The following RANBP2 variants were observed in gnomAD, a reference collection of about 807,000 sequenced individuals.
RANBP2 encodes RAN binding protein 2.
Under a neutral mutation model 303.6 loss-of-function variants are expected in RANBP2, and 57 were observed. The observed-to-expected ratio is 0.19, with a 90% CI of 0.15 to 0.23. RANBP2 has a LOEUF of 0.23. RANBP2 is among the 10% of genes least tolerant of loss of function. The pLI is 1.00. For missense variants in RANBP2, 3,138 were observed against 3,780.8 expected (o/e 0.83, Z 4.46); for synonymous variants, 1,167 against 1,301.5 (o/e 0.90, Z 2.23).
chr2:109,719,908 GA>G, the RANBP2 span, among the ~76,000 whole-genome samples: 20 of 152,048 alleles, frequency 1.3e-4, no homozygotes, highest in African/African-American at 3.9e-4. Flanking sequence ...TCTCTTCCTT[GA>G]CCAACATTTA....
intron 6 of RANBP2, among the ~76,000 whole-genome samples, chr2:108,736,962 A>G (rs1320551777): frequency 1.3e-5 from 2 of 150,040 alleles, no homozygotes; most frequent in African/African-American, 5.0e-5. Context: ...TGGTTGCAGC[A>G]GAGATTGTAT....
Position 108,765,072 on chromosome 2 carries a change from TG to T in RANBP2, c.4534del (p.Ala1512LeufsTer21). 6.2e-7 allele frequency: 1 copy of T among 1,614,048 alleles called. No homozygotes were observed. The highest frequency in any genetic ancestry group is 8.5e-7 in the Non-Finnish European group (1 of 1,179,972). On this transcript the variant is annotated frameshift_variant, in exon 20 of 29. Transcript: ENST00000283195. LOFTEE classifies it high-confidence loss of function. ...CQNPRKQSLP[A>X]TSIPTPASFK... is the part of the protein sequence containing the mutation. ...AGAATCCGAGAAAACAGAGTCTACC[TG>T]CTACTTCTATTCCAACACCTGCCTC...
the RANBP2 span, among the ~76,000 whole-genome samples, chr2:109,028,797 G>A: frequency 2.0e-5 from 3 of 152,114 alleles, no homozygotes; most frequent in African/African-American, 4.8e-5. Context: ...AGAGGTCATC[G>A]GGTCTAAGCC....
At chr2:109,400,784 G>GTAACC in the RANBP2 span, among the ~76,000 whole-genome samples, 2 of 152,226 alleles carry the variant, frequency 1.3e-5, no homozygotes, top group Non-Finnish European at 2.9e-5. Context: ...GTCTGGAGCT[G>GTAACC]TAACCGTGCA....
chr2:109,080,303 C>T, the RANBP2 span, among the ~76,000 whole-genome samples: 1 of 152,040 alleles, frequency 6.6e-6, no homozygotes. Context: ...GGGGTTGAGG[C>T]TGGGAAGTGG....
the RANBP2 span, among the ~76,000 whole-genome samples, chr2:109,417,564 C>T: frequency 6.0e-3 from 912 of 152,246 alleles, 12 homozygotes; most frequent in African/African-American, 0.021. Context: ...CACAGGACCC[C>T]GACAGCCTCT....
At chr2:109,199,608 G>GC in the RANBP2 span, among the ~76,000 whole-genome samples, 2 of 234 alleles carry the variant, frequency 8.5e-3, no homozygotes, top group African/African-American at 0.012. Context: ...GGAATGGAAT[G>GC]GAATGGAATG....
At chr2:109,372,092 C>T in the RANBP2 span, among the ~76,000 whole-genome samples, 1 of 152,216 alleles carries the variant, frequency 6.6e-6, no homozygotes, top group African/African-American at 2.4e-5. Flanking sequence ...CCACTGCACA[C>T]GGATTGGAAG....
the RANBP2 span, among the ~76,000 whole-genome samples, chr2:109,702,804 C>CTTT: frequency 6.9e-5 from 10 of 144,874 alleles, no homozygotes; most frequent in East Asian, 2.0e-3. Context: ...CTGAATCAGT[C>CTTT]TTTTTTTTTT....
the RANBP2 span, among the ~76,000 whole-genome samples, chr2:109,625,953 CCTTT>C: frequency 1.3e-5 from 2 of 152,014 alleles, no homozygotes; most frequent in African/African-American, 4.8e-5. Context: ...TGTGGTGTTC[CCTTT>C]CTTTAAGAAA....
chr2:108,857,271 G>T, the RANBP2 span, among the ~76,000 whole-genome samples: 11 of 151,948 alleles, frequency 7.2e-5, no homozygotes, highest in East Asian at 2.1e-3. Flanking sequence ...TAGAGACGGG[G>T]TTTCACCATG....
At chr2:109,191,600 CCT>C in the RANBP2 span, among the ~76,000 whole-genome samples, 57 of 152,310 alleles carry the variant, frequency 3.7e-4, no homozygotes, top group Middle Eastern at 3.4e-3. Flanking sequence ...CATTTCCCAC[CCT>C]TTCACATGAA....
At chr2:108,735,415 T>G (rs1316623402) in intron 4 of RANBP2, 117 bp from the exon 5 acceptor site, 12 of 1,580,982 alleles carry the variant, frequency 7.6e-6, no homozygotes, top group Non-Finnish European at 7.7e-6. Context: ...TAGGATGGTG[T>G]TTTTGGTGGC....
the RANBP2 span, among the ~76,000 whole-genome samples, chr2:109,048,708 C>G: frequency 6.6e-6 from 1 of 152,128 alleles, no homozygotes; most frequent in East Asian, 1.9e-4. Context: ...CACAGACATC[C>G]CTATGGCCCC....
rs149207118 is a variant in RANBP2, at chr2:108,748,943, C to T, written c.1087C>T (p.Arg363Cys). 1.1e-3 allele frequency: 1,742 copies of T among 1,611,800 alleles called. 18 individuals are homozygous for T. In the African/African-American group the frequency reaches 0.019, roughly 17 times the overall value. Reference sequence around the variant, plus strand: ...AGGGCACATGTTGCTAAACTTAAGTCGTGGCAAGCAAGATTTTTTAAAAGA... The same window carrying T: ...AGGGCACATGTTGCTAAACTTAAGTTGTGGCAAGCAAGATTTTTTAAAAGA... ...QSGHMLLNLS[R>C]GKQDFLKEIV... Residue 363 changes from arginine (R) to cysteine (C), a missense_variant, in exon 9 of 29, where the codon CGT becomes TGT. Around this residue, in one of 20 missense-constraint regions of RANBP2, gnomAD observed 95 missense variants for 86.4 expected, o/e 1.10. Transcript: ENST00000283195.
the RANBP2 span, among the ~76,000 whole-genome samples, chr2:109,431,227 G>A: frequency 6.6e-6 from 1 of 152,196 alleles, no homozygotes; most frequent in African/African-American, 2.4e-5. Context: ...ACAAGCCGCT[G>A]GATAGGGTCA....
the RANBP2 span, chr2:108,906,292 T>C: frequency 7.6e-7 from 1 of 1,319,842 alleles, no homozygotes; most frequent in Non-Finnish European, 9.8e-7. Flanking sequence ...TCTCCCAGGC[T>C]TTTTTTTCAG....
chr2:109,482,352 A>C, the RANBP2 span, among the ~76,000 whole-genome samples: 3 of 152,222 alleles, frequency 2.0e-5, no homozygotes, highest in African/African-American at 7.2e-5. Flanking sequence ...GGCTAAGAGC[A>C]GTTCAGGAAC....
At chr2:109,367,882 C>T in the RANBP2 span, among the ~76,000 whole-genome samples, 56 of 152,232 alleles carry the variant, frequency 3.7e-4, no homozygotes, top group African/African-American at 1.3e-3. Context: ...TAGGAATCAC[C>T]GAACTGCCTG....
Sources: allele counts gnomAD v4.1 joint callset (sites outside exome capture counted in the v4.1 genomes callset), GRCh38; gene constraint gnomAD v4.1.1; regional missense constraint gnomAD v4.1.1; transcripts MANE v1.5; gene names NCBI Gene and HGNC (gene_info 2026-07-23, HGNC 2026-07-21).